The following DYNC1I1 variants were observed in gnomAD, a reference collection of about 807,000 sequenced individuals.
The protein encoded by DYNC1I1 is cytoplasmic dynein 1 intermediate chain 1.
Under a neutral mutation model 86.6 loss-of-function variants are expected in DYNC1I1, and 43 were observed. The ratio of observed to expected loss-of-function variants is 0.50; its 90% CI spans 0.39 to 0.64. DYNC1I1 has a LOEUF of 0.64. Ranked by LOEUF, DYNC1I1 falls within the 30% of genes least tolerant of loss-of-function variation. The pLI, the probability that DYNC1I1 is intolerant of heterozygous loss-of-function variation, is 0.00. For missense variants in DYNC1I1, 604 were observed against 788.8 expected, an observed-to-expected ratio of 0.77 and a Z score of 2.81; for synonymous variants, 262 against 283.7, an observed-to-expected ratio of 0.92 and a Z score of 0.77.
intron 1 of DYNC1I1, among the ~76,000 whole-genome samples, chr7:95,798,903 A>C (rs1166182208): frequency 6.6e-6 from 1 of 152,220 alleles, no homozygotes; most frequent in Non-Finnish European, 1.5e-5. Context: ...GGGTTCGAGA[A>C]AAGCTGGACA....
intron 4 of DYNC1I1, among the ~76,000 whole-genome samples, chr7:95,827,668 C>A (rs1795230379): frequency 1.3e-5 from 2 of 152,114 alleles, no homozygotes; most frequent in Admixed American, 1.3e-4. Flanking sequence ...TTCTTTTCAC[C>A]ACATAGAAGA....
chr7:96,021,006 G>A (rs1794535444), intron 10 of DYNC1I1, among the ~76,000 whole-genome samples: 1 of 152,086 alleles, frequency 6.6e-6, no homozygotes, highest in African/African-American at 2.4e-5. Context: ...GATGAGGGAT[G>A]GGGGATGGGG....
At chr7:95,909,462 C>T (rs1314847982) in intron 6 of DYNC1I1, among the ~76,000 whole-genome samples, 3 of 151,892 alleles carry the variant, frequency 2.0e-5, no homozygotes, top group Non-Finnish European at 2.9e-5. Flanking sequence ...GCACTACAGC[C>T]GGGGTTTCAG....
chr7:95,820,814 G>A (rs1795057619), intron 4 of DYNC1I1, among the ~76,000 whole-genome samples: 1 of 152,244 alleles, frequency 6.6e-6, no homozygotes, highest in Admixed American at 6.5e-5. Context: ...CTGGTCTCAA[G>A]TGATCCTCCT....
intron 10 of DYNC1I1, among the ~76,000 whole-genome samples, chr7:96,019,499 G>A (rs1442314914): frequency 6.6e-6 from 1 of 152,030 alleles, no homozygotes; most frequent in East Asian, 1.9e-4. Flanking sequence ...ATTGGTATAG[G>A]ATGTGGCCTG....
chr7:96,010,309 C>G (rs1487725447), intron 10 of DYNC1I1, among the ~76,000 whole-genome samples: 1 of 152,064 alleles, frequency 6.6e-6, no homozygotes, highest in Non-Finnish European at 1.5e-5. Context: ...TGGTTAGGTT[C>G]GTTTGTGGAA....
rs908006727 is a variant in DYNC1I1 at position 95,828,254 on chromosome 7, T to C, written c.374+138T>C. 28 of 915,994 alleles carry C rather than the reference T, an allele frequency of 3.1e-5. No homozygotes were observed. In the Admixed American group the frequency reaches 5.5e-4, roughly 18 times the overall value. 56.7% of individuals were successfully genotyped at this position (915,994 alleles called of 1,614,324 possible). On this transcript the variant is annotated intron_variant, in intron 5 of 16. Transcript: ENST00000447467. ...GATAAGTTCGTTTCCTTCTGTTGATTTTCCTTATAAAGCTTTGAAGAAAGT... is the reference window on the plus strand; with the variant it reads ...GATAAGTTCGTTTCCTTCTGTTGATCTTCCTTATAAAGCTTTGAAGAAAGT...
chr7:95,838,040 A>T (rs1447307960), intron 5 of DYNC1I1, among the ~76,000 whole-genome samples: 2 of 152,216 alleles, frequency 1.3e-5, no homozygotes, highest in Non-Finnish European at 2.9e-5. Context: ...AGCTTGCTGT[A>T]GTCCCGCTTG....
intron 5 of DYNC1I1, among the ~76,000 whole-genome samples, chr7:95,840,834 T>C (rs1789261220): frequency 6.6e-6 from 1 of 152,180 alleles, no homozygotes; most frequent in Non-Finnish European, 1.5e-5. Context: ...TTGGCAAGAT[T>C]GGAGCCAGTC....
rs184433168 is a variant in DYNC1I1, at chr7:95,941,601, C to T, written c.491-35911C>T. ...GAGATTCCATGGGCATAGGACCCTCCGAGCCAGGTGCAGGATATAATCTCC... is the reference window on the plus strand; with the variant it reads ...GAGATTCCATGGGCATAGGACCCTCTGAGCCAGGTGCAGGATATAATCTCC... On this transcript the variant is annotated intron_variant, in intron 6 of 16. Transcript: ENST00000447467. Among the ~76,000 whole-genome samples, 1,125 of 152,272 alleles carry T rather than the reference C, an allele frequency of 7.4e-3. 10 individuals carry two copies. Among genetic ancestry groups the T allele is most frequent in the African/African-American group, 0.023 (975 of 41,546 alleles).
intron 5 of DYNC1I1, among the ~76,000 whole-genome samples, chr7:95,837,317 C>A (rs1483205066): frequency 2.0e-5 from 3 of 152,108 alleles, no homozygotes; most frequent in Non-Finnish European, 4.4e-5. Flanking sequence ...AGGAGGCAGT[C>A]TGCCCGTTCT....
intron 6 of DYNC1I1, among the ~76,000 whole-genome samples, chr7:95,890,904 C>G (rs1211968592): frequency 6.6e-6 from 1 of 152,128 alleles, no homozygotes; most frequent in Non-Finnish European, 1.5e-5. Flanking sequence ...GGAAGTAAAC[C>G]TACAAGTGAT....
chr7:95,807,906 G>A (rs1406295337), intron 2 of DYNC1I1, among the ~76,000 whole-genome samples: 1 of 152,024 alleles, frequency 6.6e-6, no homozygotes, highest in African/African-American at 2.4e-5. Context: ...TGCTTTTGTT[G>A]TTGTTGTTGT....
At chr7:95,966,874 G>A (rs1046749161) in intron 6 of DYNC1I1, among the ~76,000 whole-genome samples, 2 of 152,224 alleles carry the variant, frequency 1.3e-5, no homozygotes, top group African/African-American at 4.8e-5. Flanking sequence ...CATAGTGGGT[G>A]CAGGGAGGCA....
intron 6 of DYNC1I1, among the ~76,000 whole-genome samples, chr7:95,956,380 CTTT>C (rs57664357): frequency 0.061 from 8,498 of 140,028 alleles, 695 homozygotes; most frequent in African/African-American, 0.19. Flanking sequence ...CTTTTTTTCT[CTTT>C]TTTTTTTTTT....
chr7:95,897,884 A>T (rs529673662), intron 6 of DYNC1I1, among the ~76,000 whole-genome samples: 81 of 152,278 alleles, frequency 5.3e-4, no homozygotes, highest in Non-Finnish European at 9.6e-4. Context: ...GGGCTCCTTA[A>T]CAAAGCTGGC....
chr7:95,773,037 C>G (rs62467359), intron 1 of DYNC1I1, among the ~76,000 whole-genome samples: 1 of 152,308 alleles, frequency 6.6e-6, no homozygotes, highest in Non-Finnish European at 1.5e-5. Context: ...GTGTCACCAC[C>G]TGGTCGCCCA....
chr7:95,889,715 A>AG, intron 6 of DYNC1I1, among the ~76,000 whole-genome samples: 1 of 152,082 alleles, frequency 6.6e-6, no homozygotes, highest in East Asian at 1.9e-4. Flanking sequence ...TCTAATATCC[A>AG]GTATCTATAA....
intron 9 of DYNC1I1, among the ~76,000 whole-genome samples, chr7:95,988,269 C>T (rs748405274): frequency 3.3e-5 from 5 of 151,978 alleles, no homozygotes; most frequent in South Asian, 2.1e-4. Context: ...CCCAGCTATT[C>T]GGGAGGCTGA....
Sources: gnomAD v4.1 joint callset for allele counts (sites outside exome capture counted in the v4.1 genomes callset) on GRCh38, gnomAD v4.1.1 for gene constraint, MANE v1.5 for transcripts, NCBI Gene and HGNC (gene_info 2026-07-23, HGNC 2026-07-21) for gene names.